TOPAZ1: variants seen among roughly 807,000 people sequenced by gnomAD.
TOPAZ1 encodes the protein testis and ovary specific TOPAZ 1.
Under a neutral mutation model 172.2 loss-of-function variants are expected in TOPAZ1, and 66 were observed. The observed-to-expected ratio is 0.38, with a 90% CI of 0.31 to 0.47. The LOEUF is 0.47. Ranked by LOEUF, TOPAZ1 falls within the 20% of genes least tolerant of loss-of-function variation. The probability of loss-of-function intolerance (pLI) is 0.99; values close to 1 mark genes in which losing one functional copy is unlikely to be tolerated. For synonymous variants in TOPAZ1, 681 were observed against 683.9 expected, an observed-to-expected ratio of 1.00 and a Z score of 0.07; for missense variants, 1,822 against 1,972.4, an observed-to-expected ratio of 0.92 and a Z score of 1.44.
intron 8 of TOPAZ1, among the ~76,000 whole-genome samples, chr3:44,278,556 A>C (rs1463850838): frequency 1.3e-5 from 2 of 152,092 alleles, no homozygotes; most frequent in Admixed American, 1.3e-4. Flanking sequence ...TTTCTTCCTA[A>C]TTCAATCTCA....
chr3:44,243,333 G>A lies in TOPAZ1; in HGVS notation c.827G>A (p.Ser276Asn), dbSNP rs1575701926. The change falls in exon 2 of 20, where the codon AGT becomes AAT. Residue 276 changes from serine (S) to asparagine (N), a missense_variant. Coordinates refer to ENST00000309765, the MANE Select transcript of TOPAZ1 (RefSeq NM_001145030.2). ...CTTGCAGAGAAGAGTGACACAAATA[G>A]TATTCCTCAGCTCTTACAAACAGAA... ...RSLAEKSDTN[S>N]IPQLLQTEEN... 1 of 1,551,284 alleles carries A rather than the reference G, an allele frequency of 6.4e-7. No individual in the cohort carries two copies. Among genetic ancestry groups the A allele is most frequent in the East Asian group, 2.4e-5 (1 of 40,904 alleles).
intron 12 of TOPAZ1, among the ~76,000 whole-genome samples, chr3:44,299,846 G>A (rs1432787885): frequency 9.4e-5 from 13 of 138,600 alleles, no homozygotes; most frequent in African/African-American, 1.1e-4. Flanking sequence ...GTAAACTATC[G>A]CAAGAACAAA....
chr3:44,302,498 A>G (rs888884005), intron 12 of TOPAZ1, among the ~76,000 whole-genome samples: 10 of 152,190 alleles, frequency 6.6e-5, no homozygotes, highest in Non-Finnish European at 1.3e-4. Context: ...TTCATATACA[A>G]TGGGGTCTGT....
At chr3:44,288,541 C>T (rs980091277) in intron 11 of TOPAZ1, among the ~76,000 whole-genome samples, 2 of 151,966 alleles carry the variant, frequency 1.3e-5, no homozygotes, top group Non-Finnish European at 2.9e-5. Flanking sequence ...AAAAATTAGC[C>T]GGGCATGGTG....
intron 16 of TOPAZ1, among the ~76,000 whole-genome samples, chr3:44,312,231 C>CAA (rs1159011578): frequency 4.0e-4 from 23 of 58,154 alleles, no homozygotes; most frequent in South Asian, 1.5e-3. Flanking sequence ...ATTGCAAAGC[C>CAA]AAAAAAAAAA....
chr3:44,324,012 AC>A (rs1253159765), intron 18 of TOPAZ1, among the ~76,000 whole-genome samples: 2 of 152,082 alleles, frequency 1.3e-5, no homozygotes, highest in Non-Finnish European at 2.9e-5. Flanking sequence ...ACTCTGTGTC[AC>A]CCCGTACCAA....
chr3:44,261,181 T>A (rs1166808865), intron 4 of TOPAZ1, among the ~76,000 whole-genome samples: 1 of 152,190 alleles, frequency 6.6e-6, no homozygotes, highest in Non-Finnish European at 1.5e-5. Flanking sequence ...AACTCTAGTA[T>A]TCTCATCCAG....
At chr3:44,254,394 A>G (rs1235918732) in intron 2 of TOPAZ1, among the ~76,000 whole-genome samples, 1 of 152,100 alleles carries the variant, frequency 6.6e-6, no homozygotes, top group Non-Finnish European at 1.5e-5. Context: ...TTGGGAGTCC[A>G]AGGCCAATGG....
chr3:44,303,444 T>TC (rs1460556969), intron 12 of TOPAZ1, among the ~76,000 whole-genome samples: 1 of 151,276 alleles, frequency 6.6e-6, no homozygotes, highest in Non-Finnish European at 1.5e-5. Context: ...TTAAGATCCT[T>TC]CCTTGTGGTT....
chr3:44,284,169 G>A (rs996910997), intron 9 of TOPAZ1, among the ~76,000 whole-genome samples: 6 of 152,084 alleles, frequency 3.9e-5, no homozygotes, highest in Non-Finnish European at 7.3e-5. Flanking sequence ...ACGATTCACT[G>A]GCATATTAAG....
rs1358682706 is a variant in TOPAZ1 at position 44,244,080 on chromosome 3, G to A, written c.1574G>A (p.Ser525Asn). 39 of 1,551,594 alleles carry A rather than the reference G, an allele frequency of 2.5e-5. No individual in the cohort carries two copies. The highest frequency in any genetic ancestry group is 9.8e-5 in the East Asian group (4 of 40,926). Residue 525 changes from serine (S) to asparagine (N), a missense_variant, in exon 2 of 20, where the codon AGT becomes AAT. By Grantham distance (46) the Ser-to-Asn change is conservative. This residue lies in a region of TOPAZ1 where 1,489 missense variants were observed against 1,490.8 expected (regional missense o/e 1.00). Transcript: ENST00000309765. ...TACTTTCTTCGTGGGTCTCAGGAAA[G>A]TTGTAGGCAAGTTGATGTCCCTAAA... ...SSYFLRGSQE[S>N]CRQVDVPKHQ... is the part of the protein sequence containing the mutation.
At chr3:44,335,478 G>A (rs1209070964), downstream of TOPAZ1, among the ~76,000 whole-genome samples, 1 of 152,156 alleles carries the variant, frequency 6.6e-6, no homozygotes, top group Admixed American at 6.5e-5. Context: ...GCAAAAATTA[G>A]CTGGGCGCGG....
intron 8 of TOPAZ1, among the ~76,000 whole-genome samples, chr3:44,279,661 A>AT (rs1373497251): frequency 6.6e-6 from 1 of 152,034 alleles, no homozygotes; most frequent in Non-Finnish European, 1.5e-5. Flanking sequence ...TTTGCATGGA[A>AT]TATCTTTTTC....
At chr3:44,335,561 T>C (rs1390979030), downstream of TOPAZ1, among the ~76,000 whole-genome samples, 1 of 152,196 alleles carries the variant, frequency 6.6e-6, no homozygotes, top group East Asian at 1.9e-4. Context: ...GAAGCAGAGG[T>C]TGCAGTGATC....
intron 2 of TOPAZ1, among the ~76,000 whole-genome samples, chr3:44,246,960 G>A (rs1047974826): frequency 3.3e-5 from 5 of 152,196 alleles, no homozygotes; most frequent in African/African-American, 1.2e-4. Flanking sequence ...GTGACAAGAT[G>A]TTGACAGTGA....
intron 16 of TOPAZ1, among the ~76,000 whole-genome samples, chr3:44,314,820 C>T (rs1273632899): frequency 6.6e-6 from 1 of 152,052 alleles, no homozygotes; most frequent in Non-Finnish European, 1.5e-5. Context: ...TGGGGTGGGT[C>T]CTAAAAATTT....
chr3:44,310,071 T>C lies in TOPAZ1; in HGVS notation c.4306+81T>C, dbSNP rs540031623. 6.1e-5 allele frequency: 78 copies of C among 1,279,472 alleles called. 2 individuals are homozygous for C. In the South Asian group the frequency reaches 1.2e-3, roughly 19 times the overall value. 79.3% of individuals were successfully genotyped at this position (1,279,472 alleles called of 1,614,324 possible). A position where few individuals can be genotyped will look rare whatever the true frequency, so the allele number is the denominator to read the frequency against. ...TGTCTATGTAATTACCTTAAGTTGATATTGAACTGTGGTTAATAGTTTGGT... is the reference window on the plus strand; with the variant it reads ...TGTCTATGTAATTACCTTAAGTTGACATTGAACTGTGGTTAATAGTTTGGT... On this transcript the variant is annotated intron_variant, in intron 16 of 19. Coordinates refer to ENST00000309765, the MANE Select transcript of TOPAZ1 (RefSeq NM_001145030.2).
intron 15 of TOPAZ1, 95 bp downstream of exon 15, chr3:44,306,521 G>T: frequency 1.5e-6 from 1 of 654,386 alleles, no homozygotes; most frequent in East Asian, 2.8e-5. Context: ...TTAGGAGTTT[G>T]CTAATAATCA....
rs549148954 is a variant in TOPAZ1 at position 44,243,187 on chromosome 3, T to C, written c.681T>C (p.Arg227=). The change falls in exon 2 of 20, where the codon CGT becomes CGC. Residue 227 remains arginine, a synonymous_variant. Coordinates refer to ENST00000309765, the MANE Select transcript of TOPAZ1 (RefSeq NM_001145030.2). The part of the protein sequence containing the change: ...EVENNSVLKL[R]DCNCFPHSKG... The stretch of plus-strand genomic sequence containing the variant: ...AAAATAATTCCGTTTTAAAATTACG[T>C]GATTGCAATTGTTTCCCCCATTCCA... 4 of 1,548,566 alleles carry C rather than the reference T, an allele frequency of 2.6e-6. No individual in the cohort carries two copies. In the Admixed American group the frequency reaches 5.9e-5, roughly 23 times the overall value.
Sources: allele counts gnomAD v4.1 joint callset (sites outside exome capture counted in the v4.1 genomes callset), GRCh38; gene constraint gnomAD v4.1.1; regional missense constraint gnomAD v4.1.1; transcripts MANE v1.5; gene names NCBI Gene and HGNC (gene_info 2026-07-23, HGNC 2026-07-21).